RPH3AL: variants seen among roughly 807,000 people sequenced by gnomAD.
The protein encoded by RPH3AL is rab effector Noc2.
RPH3AL carries 38 observed loss-of-function variants against 43.1 expected under a neutral mutation model. That is an observed-to-expected ratio of 0.88 (90% CI 0.68 to 1.15). RPH3AL has a LOEUF of 1.15. RPH3AL is among the 50% of genes most tolerant of loss of function. The pLI, the probability that RPH3AL is intolerant of heterozygous loss-of-function variation, is 0.00. For missense variants in RPH3AL, 462 were observed against 423.2 expected, an observed-to-expected ratio of 1.09 and a Z score of -0.81; for synonymous variants, 189 against 176.3, an observed-to-expected ratio of 1.07 and a Z score of -0.57.
chr17:262,469 C>T (rs1345531139), intron 6 of RPH3AL, among the ~76,000 whole-genome samples: 2 of 151,794 alleles, frequency 1.3e-5, no homozygotes, highest in East Asian at 2.0e-4. Flanking sequence ...CCGCCTCGGC[C>T]TCCCAAAGTG....
intron 2 of RPH3AL, among the ~76,000 whole-genome samples, chr17:329,499 T>C (rs1223095192): frequency 2.0e-5 from 3 of 152,212 alleles, no homozygotes; most frequent in Non-Finnish European, 2.9e-5. Context: ...GATATACATA[T>C]ATTCTTGAGA....
At position 333,360 on chromosome 17, in the gene RPH3AL, C is replaced by A; in HGVS notation, c.-37+399G>T. The A allele has an allele frequency of 8.7e-7, 1 of 1,154,224 alleles. No individual in the cohort carries two copies. The highest frequency in any genetic ancestry group is 1.1e-6 in the Non-Finnish European group (1 of 869,604). 71.5% of individuals were successfully genotyped at this position (1,154,224 alleles called of 1,614,324 possible). ...ATTCTCACATCAGCCACCCCCATGG[C>A]GACTCTTAACACCTTAATGTAGCAC... On this transcript the variant is annotated intron_variant, in intron 2 of 9. Coordinates refer to ENST00000331302, the MANE Select transcript of RPH3AL (RefSeq NM_006987.4). This position sits in a 1 kb window ranked among gnomAD's most constrained non-coding sequence, Gnocchi z 4.5.
At chr17:297,648 C>T (rs781047525) in intron 5 of RPH3AL, among the ~76,000 whole-genome samples, 8 of 152,186 alleles carry the variant, frequency 5.3e-5, no homozygotes, top group Non-Finnish European at 1.0e-4. Context: ...AACCACTTTG[C>T]TTGGTGTTTT....
intron 2 of RPH3AL, chr17:332,814 C>A: frequency 2.8e-6 from 1 of 352,222 alleles, no homozygotes; most frequent in Non-Finnish European, 5.4e-6. Flanking sequence ...CTGGTGCCAC[C>A]TCGACCCCGC....
At chr17:331,340 G>C in intron 2 of RPH3AL, 1 of 50,016 alleles carries the variant, frequency 2.0e-5, no homozygotes, top group Non-Finnish European at 4.2e-5. Context: ...GTCGCCTCCA[G>C]AGCTGGGGCC....
In RPH3AL at chr17:213,509, C is replaced by G. The variant is rs1227647449; in HGVS notation, c.*343G>C. ...TAGCAACGGAGATAGCCCCACCGGG[C>G]GGCCCCTCTGACACTGCATGTGGGA... is the stretch of plus-strand genomic sequence containing the variant. On this transcript the variant is annotated 3_prime_UTR_variant, in exon 10 of 10. Coordinates refer to ENST00000331302, the MANE Select transcript of RPH3AL (RefSeq NM_006987.4). 16 of 410,384 alleles carry G rather than the reference C, an allele frequency of 3.9e-5. No homozygotes were observed. In the East Asian group the frequency reaches 8.6e-4, roughly 22 times the overall value. 25.4% of individuals were successfully genotyped at this position (410,384 alleles called of 1,614,324 possible).
At chr17:293,906 G>A (rs947098173) in intron 5 of RPH3AL, among the ~76,000 whole-genome samples, 1 of 152,036 alleles carries the variant, frequency 6.6e-6, no homozygotes, top group Non-Finnish European at 1.5e-5. Flanking sequence ...GTACTCACCC[G>A]GAATCCCAGC....
In RPH3AL at chr17:301,303, C is replaced by T. The variant is rs540600650; in HGVS notation, c.351+18117G>A. 2.6e-5 allele frequency among the ~76,000 whole-genome samples: 4 copies of T among 152,316 alleles called. No individual in the cohort carries two copies. The South Asian group carries it at 8.3e-4, about 32-fold the overall frequency. ...TCTTAAAAGGTACATAGGCAAAGTT[C>T]TCTGGGCTTTTTTTTCTTGAGACAG... On this transcript the variant is annotated intron_variant, in intron 5 of 9. Coordinates refer to ENST00000331302, the MANE Select transcript of RPH3AL (RefSeq NM_006987.4).
chr17:334,356 T>C (rs932449125), intron 1 of RPH3AL, among the ~76,000 whole-genome samples: 3 of 152,208 alleles, frequency 2.0e-5, no homozygotes, highest in African/African-American at 7.2e-5. Flanking sequence ...CAAAACAACC[T>C]GCCTCAGAGA....
intron 6 of RPH3AL, among the ~76,000 whole-genome samples, chr17:280,917 CG>C (rs1245875525): frequency 6.6e-6 from 1 of 152,126 alleles, no homozygotes; most frequent in Non-Finnish European, 1.5e-5. Context: ...TGTGGATCCT[CG>C]GATGTGACAA....
chr17:329,680 CTG>C (rs1276597980), intron 2 of RPH3AL, among the ~76,000 whole-genome samples: 1 of 152,150 alleles, frequency 6.6e-6, no homozygotes, highest in Non-Finnish European at 1.5e-5. Flanking sequence ...ACAAATGACA[CTG>C]TTTTACATTT....
Position 344,322 on chromosome 17 carries a change from C to T in RPH3AL, c.-213+8390G>A, listed in dbSNP as rs1308616144. ...CCACCACCATCACTATAATCATCAC[C>T]ATCACCATCACCGTCATCATTATTA... On this transcript the variant is annotated intron_variant, in intron 1 of 9. Coordinates refer to ENST00000331302, the MANE Select transcript of RPH3AL (RefSeq NM_006987.4). Among the ~76,000 whole-genome samples the T allele has an allele frequency of 3.8e-5, 5 of 130,444 alleles. 1 individual carries two copies. Among genetic ancestry groups the T allele is most frequent in the Admixed American group, 1.5e-4 (2 of 13,662 alleles). 85.6% of individuals were successfully genotyped at this position (130,444 alleles called of 152,430 possible). A position where few individuals can be genotyped will look rare whatever the true frequency, so the allele number is the denominator to read the frequency against.
intron 5 of RPH3AL, among the ~76,000 whole-genome samples, chr17:317,181 C>G (rs77514128): frequency 7.2e-5 from 10 of 138,514 alleles, no homozygotes; most frequent in South Asian, 2.3e-4. Flanking sequence ...TGTGCTCCAC[C>G]TCCATTGACC....
chr17:308,585 GTA>G (rs1169010773), intron 5 of RPH3AL, among the ~76,000 whole-genome samples: 1 of 152,236 alleles, frequency 6.6e-6, no homozygotes, highest in Non-Finnish European at 1.5e-5. Flanking sequence ...ACAAAGTGGG[GTA>G]TGCACATACA....
chr17:269,965 G>A (rs1163229613), intron 6 of RPH3AL, among the ~76,000 whole-genome samples: 2 of 152,168 alleles, frequency 1.3e-5, no homozygotes, highest in South Asian at 2.1e-4. Context: ...TGCCCTGGGG[G>A]CTGGTGAGCA....
At chr17:273,006 CG>C (rs2042532853) in intron 6 of RPH3AL, among the ~76,000 whole-genome samples, 5 of 116,718 alleles carry the variant, frequency 4.3e-5, no homozygotes, top group African/African-American at 1.4e-4. Context: ...GAGACCCCAG[CG>C]AGGGCGACAT....
At chr17:347,031 G>A (rs2045249532) in intron 1 of RPH3AL, among the ~76,000 whole-genome samples, 3 of 135,074 alleles carry the variant, frequency 2.2e-5, no homozygotes, top group East Asian at 2.4e-4. Context: ...GGCCGAGGCG[G>A]GAGGATCACG....
chr17:302,766 C>T (rs748918510), intron 5 of RPH3AL, among the ~76,000 whole-genome samples: 15 of 152,256 alleles, frequency 9.9e-5, no homozygotes, highest in Admixed American at 3.3e-4. Context: ...AACTGGAATT[C>T]GATTTACATG....
rs896949563 is a variant in RPH3AL, at chr17:323,271, A to C, written c.78-1856T>G. ...CCGGTTTTTCCAATTTAAAAAAAAA[A>C]AAACTGCAATGCCCTAGACCAACGC... On this transcript the variant is annotated intron_variant, in intron 3 of 9. Transcript: ENST00000331302. This position sits in a 1 kb window ranked among gnomAD's most constrained non-coding sequence, Gnocchi z 4.4. Among the ~76,000 whole-genome samples the C allele has an allele frequency of 6.6e-6, 1 of 151,996 alleles. No individual in the cohort carries two copies. The highest frequency in any genetic ancestry group is 1.5e-5 in the Non-Finnish European group (1 of 67,990).
Sources: gnomAD v4.1 joint callset for allele counts (sites outside exome capture counted in the v4.1 genomes callset) on GRCh38, gnomAD v4.1.1 for gene constraint, Gnocchi (gnomAD v3.1) non-coding constraint, MANE v1.5 for transcripts, NCBI Gene and HGNC (gene_info 2026-07-23, HGNC 2026-07-21) for gene names.